CAPN14: variants seen among roughly 807,000 people sequenced by gnomAD.
CAPN14 encodes calpain 14.
Under a neutral mutation model 101.3 loss-of-function variants are expected in CAPN14, and 94 were observed. That is an observed-to-expected ratio of 0.93 (90% CI 0.79 to 1.10). The LOEUF (loss-of-function observed/expected upper bound fraction) is 1.10, where lower values mean the gene tolerates loss of function less well. CAPN14 is among the 50% of genes least tolerant of loss of function. CAPN14 has a pLI of 0.00. For missense variants in CAPN14, 837 were observed against 828.4 expected, an observed-to-expected ratio of 1.01 and a Z score of -0.13; for synonymous variants, 338 against 317.9, an observed-to-expected ratio of 1.06 and a Z score of -0.67.
At chr2:31,198,675 G>T (rs1681590515) in intron 7 of CAPN14, among the ~76,000 whole-genome samples, 1 of 152,230 alleles carries the variant, frequency 6.6e-6, no homozygotes, top group Admixed American at 6.5e-5. Flanking sequence ...TTGAGTCCAA[G>T]AAATTTGAAA....
chr2:31,177,168 T>G, intron 19 of CAPN14, 26 bp from the exon 20 acceptor site: 1 of 1,514,370 alleles, frequency 6.6e-7, no homozygotes, highest in Non-Finnish European at 9.0e-7. Context: ...GCTCCTGCTG[T>G]GGGTATTGGG....
At chr2:31,184,224 C>T (rs1486791633) in intron 16 of CAPN14, among the ~76,000 whole-genome samples, 3 of 152,212 alleles carry the variant, frequency 2.0e-5, no homozygotes, top group Non-Finnish European at 4.4e-5. Flanking sequence ...GTTACAGGTG[C>T]TCACTTTTTC....
chr2:31,211,086 G>C lies in CAPN14; in HGVS notation c.-52-5587C>G, dbSNP rs1182451863. On this transcript the variant is annotated intron_variant, in intron 1 of 21. Transcript: ENST00000403897. ...CTAGAGGAACACCATACTTTCTGAG[G>C]AAAGATAAAAGATATTTCCTTAAAC... Among the ~76,000 whole-genome samples the C allele has an allele frequency of 6.6e-5, 10 of 151,938 alleles. No homozygotes were observed. The East Asian group carries it at 1.9e-3, about 29-fold the overall frequency.
At chr2:31,229,705 AG>A (rs1683131823) in intron 1 of CAPN14, among the ~76,000 whole-genome samples, 1 of 151,208 alleles carries the variant, frequency 6.6e-6, no homozygotes, top group Admixed American at 6.6e-5. Flanking sequence ...AAAAAGGAAA[AG>A]AAAAAGAAAG....
At chr2:31,191,261 C>A in intron 12 of CAPN14, 138 bp downstream of exon 12, 1 of 835,470 alleles carries the variant, frequency 1.2e-6, no homozygotes, top group South Asian at 1.8e-5. Flanking sequence ...AGGCAGCGGG[C>A]AGACATTCTC....
At chr2:31,226,842 AT>A (rs1471253559) in intron 1 of CAPN14, among the ~76,000 whole-genome samples, 1 of 152,078 alleles carries the variant, frequency 6.6e-6, no homozygotes, top group African/African-American at 2.4e-5. Context: ...GGGTTCATTT[AT>A]TTTTTAGAAT....
rs111554796 is a variant in CAPN14 at position 31,200,499 on chromosome 2, G to T, written c.678C>A (p.Ile226=). Residue 226 remains isoleucine, a synonymous_variant, in exon 6 of 22, where the codon ATC becomes ATA. Coordinates refer to ENST00000403897, the MANE Select transcript of CAPN14 (RefSeq NM_001145122.2). ...EAHGNLWDIL[I]EATYNRTLIG... is the part of the protein sequence containing the mutation. Reference sequence around the variant, plus strand: ...TGAGGGTTCTGTTGTAGGTGGCTTCGATGAGGATGTCCCAGAGGTTGCCAT... The same window carrying T: ...TGAGGGTTCTGTTGTAGGTGGCTTCTATGAGGATGTCCCAGAGGTTGCCAT... The T allele has an allele frequency of 0.03, 46,844 of 1,551,176 alleles. 837 individuals carry two copies. The highest frequency in any genetic ancestry group is 0.035 in the Non-Finnish European group (39,972 of 1,146,930).
At chr2:31,183,650 C>G (rs185904120) in intron 16 of CAPN14, among the ~76,000 whole-genome samples, 9 of 152,276 alleles carry the variant, frequency 5.9e-5, no homozygotes, top group Admixed American at 4.6e-4. Context: ...TGATCTCACA[C>G]CAGTTAGAAT....
chr2:31,189,596 T>C lies in CAPN14; in HGVS notation c.1288-118A>G, dbSNP rs369126598. ...GTGGCCTCTGCTCTGCCAAATCCAATAGGCCCCAGTGGAGGATGAAACAAG... is the reference window on the plus strand; with the variant it reads ...GTGGCCTCTGCTCTGCCAAATCCAACAGGCCCCAGTGGAGGATGAAACAAG... On this transcript the variant is annotated intron_variant, in intron 12 of 21. Transcript: ENST00000403897. 58 of 780,316 alleles carry C rather than the reference T, an allele frequency of 7.4e-5. No individual in the cohort carries two copies. In the African/African-American group the frequency reaches 7.9e-4, roughly 11 times the overall value. The allele number at this position is 780,316 out of a possible 1,614,324, so 48.3% of individuals were successfully genotyped here. A position where few individuals can be genotyped will look rare whatever the true frequency, so the allele number is the denominator to read the frequency against.
chr2:31,227,742 C>T (rs572575056), intron 1 of CAPN14, among the ~76,000 whole-genome samples: 2 of 152,368 alleles, frequency 1.3e-5, no homozygotes, highest in Admixed American at 6.5e-5. Flanking sequence ...AGCTGATGCA[C>T]TTTCGCCTCC....
chr2:31,206,184 G>A (rs1010345047), intron 1 of CAPN14, among the ~76,000 whole-genome samples: 2 of 151,866 alleles, frequency 1.3e-5, no homozygotes, highest in African/African-American at 4.8e-5. Flanking sequence ...CAAGGCCGCA[G>A]GGGGTGCTGG....
At chr2:31,226,432 G>A (rs1414940670) in intron 2 of CAPN14, 1 of 152,190 alleles carries the variant, frequency 6.6e-6, no homozygotes, top group East Asian at 1.9e-4. Context: ...TTCAGTGCCT[G>A]CACCAGCCCT....
chr2:31,182,701 G>A, intron 16 of CAPN14, among the ~76,000 whole-genome samples: 1 of 145,920 alleles, frequency 6.9e-6, no homozygotes, highest in East Asian at 1.9e-4. Flanking sequence ...CAAACAAATG[G>A]AAGAACATTC....
chr2:31,202,314 T>C, intron 3 of CAPN14, 62 bp from the exon 4 acceptor site: 1 of 1,333,860 alleles, frequency 7.5e-7, no homozygotes, highest in Non-Finnish European at 1.1e-6. Flanking sequence ...CTGCAGAAAA[T>C]GCCCGGTCCC....
Position 31,189,343 on chromosome 2 carries a change from G to A in CAPN14, c.1423C>T (p.Pro475Ser), listed in dbSNP as rs199725219. 51 of 1,551,730 alleles carry A rather than the reference G, an allele frequency of 3.3e-5. No individual in the cohort carries two copies. In the African/African-American group the frequency reaches 4.9e-4, roughly 15 times the overall value. ...CLEPGTYLIV[P>S]CILEAHQKSE... is the part of the protein sequence containing the mutation. ...TTCTGGTGGGCCTCCAATATGCAGG[G>A]CACGATGAGGTACGTCCCTGGTTCC... The change falls in exon 13 of 22, where the codon CCC becomes TCC. Residue 475 changes from proline (P) to serine (S), a missense_variant. Transcript: ENST00000403897.
chr2:31,208,037 C>T (rs565795594), intron 1 of CAPN14, among the ~76,000 whole-genome samples: 2 of 152,182 alleles, frequency 1.3e-5, no homozygotes, highest in Non-Finnish European at 2.9e-5. Context: ...TGAGGGCAGT[C>T]GATTCCTGGC....
chr2:31,181,431 T>TTTCTTTCC lies in CAPN14; in HGVS notation c.1646-432_1646-431insGGAAAGAA, dbSNP rs1558612424. On this transcript the variant is annotated intron_variant, in intron 16 of 21. Transcript: ENST00000403897. ...CTTTCTTTCTTTCTTTCTTTCTTTC[T>TTTCTTTCC]TTCTTTCTTTCTTTTTCTTTCTTTT... Among the ~76,000 whole-genome samples the TTTCTTTCC allele has an allele frequency of 1.5e-3, 221 of 148,606 alleles. 4 individuals carry two copies. The highest frequency in any genetic ancestry group is 5.2e-3 in the African/African-American group (210 of 40,084).
intron 1 of CAPN14, among the ~76,000 whole-genome samples, chr2:31,213,492 T>C (rs4952064): frequency 0.59 from 89,864 of 152,148 alleles, 27,672 homozygotes; most frequent in East Asian, 0.94. Flanking sequence ...CTGTCCTTCA[T>C]AGGCAAAGTT....
At chr2:31,207,394 G>C (rs1181092714) in intron 1 of CAPN14, among the ~76,000 whole-genome samples, 1 of 152,078 alleles carries the variant, frequency 6.6e-6, no homozygotes, top group Non-Finnish European at 1.5e-5. Flanking sequence ...TTTTATTTCC[G>C]ATTTGTCATA....
Sources: gnomAD v4.1 joint callset for allele counts (sites outside exome capture counted in the v4.1 genomes callset) on GRCh38, gnomAD v4.1.1 for gene constraint, MANE v1.5 for transcripts, NCBI Gene and HGNC (gene_info 2026-07-23, HGNC 2026-07-21) for gene names.